PDE7B: variants seen among roughly 807,000 people sequenced by gnomAD.
The protein encoded by PDE7B is phosphodiesterase 7B.
In PDE7B, 29 loss-of-function variants were observed where a neutral mutation model predicts 56.2. That is an observed-to-expected ratio of 0.52 (90% CI 0.38 to 0.70). The LOEUF (loss-of-function observed/expected upper bound fraction) is 0.70. Ranked by LOEUF, PDE7B falls within the 30% of genes least tolerant of loss-of-function variation. PDE7B has a pLI of 0.00. For missense variants in PDE7B, 490 were observed against 565.0 expected (o/e 0.87, Z 1.35); for synonymous variants, 197 against 196.9 (o/e 1.00, Z 0.00).
intron 1 of PDE7B, among the ~76,000 whole-genome samples, chr6:135,942,348 T>C (rs1459497391): frequency 9.1e-6 from 1 of 110,406 alleles, no homozygotes; most frequent in Non-Finnish European, 1.9e-5. Context: ...ATAGGTGCAG[T>C]AATTTTTATT....
intron 1 of PDE7B, among the ~76,000 whole-genome samples, chr6:135,857,813 A>G (rs1775064787): frequency 6.6e-6 from 1 of 152,196 alleles, no homozygotes; most frequent in South Asian, 2.1e-4. Context: ...AATTTTTCAG[A>G]TGTATTAAGT....
intron 6 of PDE7B, among the ~76,000 whole-genome samples, chr6:136,151,786 A>AGGTCAGGAGGTCG (rs1180278161): frequency 2.2e-5 from 1 of 45,366 alleles, no homozygotes; most frequent in Non-Finnish European, 4.1e-5. Context: ...ATACAAAAAA[A>AGGTCAGGAGGTCG]AAATTAGCCA....
At chr6:136,006,366 A>C (rs1226714575) in intron 2 of PDE7B, among the ~76,000 whole-genome samples, 1 of 151,294 alleles carries the variant, frequency 6.6e-6, no homozygotes, top group Non-Finnish European at 1.5e-5. Context: ...AATAAGAATA[A>C]AAGAAAATGG....
At chr6:136,073,202 G>T (rs1777077463) in intron 2 of PDE7B, among the ~76,000 whole-genome samples, 1 of 152,136 alleles carries the variant, frequency 6.6e-6, no homozygotes, top group Admixed American at 6.5e-5. Flanking sequence ...GACATTCAGG[G>T]ACAGTCCATA....
At chr6:135,958,385 G>A (rs1176341376) in intron 2 of PDE7B, among the ~76,000 whole-genome samples, 1 of 152,110 alleles carries the variant, frequency 6.6e-6, no homozygotes, top group Non-Finnish European at 1.5e-5. Flanking sequence ...ATGTTCCAGA[G>A]ACAATGTCAT....
chr6:136,044,911 A>G (rs1479156427), intron 2 of PDE7B: 1 of 149,056 alleles, frequency 6.7e-6, no homozygotes, highest in African/African-American at 2.5e-5. Context: ...CTCTGCAAAC[A>G]GTTTCTTTTT....
rs147308111 is a variant in PDE7B, at chr6:136,080,176, T to G, written c.83-28555T>G. 2.0e-5 allele frequency among the ~76,000 whole-genome samples: 3 copies of G among 152,174 alleles called. No homozygotes were observed. The East Asian group carries it at 5.8e-4, about 29-fold the overall frequency. On this transcript the variant is annotated intron_variant, in intron 2 of 12. Transcript: ENST00000308191. ...TTCCCTGTGTCTCTAGAGAACAGGA[T>G]GCAAAATTAAATTCCAAGCTCGTTC...
At position 136,195,113 on chromosome 6, in the gene PDE7B, G is replaced by A. The variant is rs1779294185; in HGVS notation, c.*3273G>A. On this transcript the variant is annotated 3_prime_UTR_variant, in exon 13 of 13. Transcript: ENST00000308191. The stretch of plus-strand genomic sequence containing the variant: ...TACATATCACTGCCAGGCCTGATAG[G>A]AAAAATCTGCTCTTCCTTTTAATAA... 6.6e-6 allele frequency: 1 copy of A among 152,122 alleles called. No individual in the cohort carries two copies. The highest frequency in any genetic ancestry group is 2.4e-5 in the African/African-American group (1 of 41,428). The allele number at this position is 152,122 out of a possible 1,614,324, so 9.4% of individuals were successfully genotyped here.
intron 2 of PDE7B, among the ~76,000 whole-genome samples, chr6:136,097,338 A>ACAAT (rs1014911244): frequency 1.3e-5 from 2 of 152,122 alleles, no homozygotes; most frequent in East Asian, 3.9e-4. Context: ...TGTGACTAGC[A>ACAAT]CAATCAGTCA....
At chr6:135,957,998 G>A (rs1484959480) in intron 2 of PDE7B, among the ~76,000 whole-genome samples, 1 of 152,080 alleles carries the variant, frequency 6.6e-6, no homozygotes, top group Non-Finnish European at 1.5e-5. Flanking sequence ...TTGGGAGGCC[G>A]AGGTGGGCGG....
intron 1 of PDE7B, among the ~76,000 whole-genome samples, chr6:135,869,392 A>C (rs1775329898): frequency 6.6e-6 from 1 of 152,162 alleles, no homozygotes; most frequent in South Asian, 2.1e-4. Context: ...TAATATATGG[A>C]TAAAATTGTC....
chr6:136,115,599 C>T (rs1330115703), intron 3 of PDE7B, among the ~76,000 whole-genome samples: 2 of 152,184 alleles, frequency 1.3e-5, no homozygotes, highest in Admixed American at 6.5e-5. Context: ...GTGAAAACAG[C>T]CATTGCCTTC....
At chr6:136,107,636 C>T (rs1039710549) in intron 2 of PDE7B, among the ~76,000 whole-genome samples, 1 of 151,554 alleles carries the variant, frequency 6.6e-6, no homozygotes, top group Admixed American at 6.6e-5. Context: ...TGGGTCTTAA[C>T]TTTATTTTAT....
chr6:135,944,578 T>C (rs560122951), intron 1 of PDE7B, among the ~76,000 whole-genome samples: 3 of 152,258 alleles, frequency 2.0e-5, no homozygotes, highest in African/African-American at 7.2e-5. Flanking sequence ...CTCATTGTCA[T>C]TGGAAGGGCC....
intron 2 of PDE7B, among the ~76,000 whole-genome samples, chr6:136,011,412 C>T (rs1049107174): frequency 6.6e-6 from 1 of 152,148 alleles, no homozygotes; most frequent in African/African-American, 2.4e-5. Flanking sequence ...TTATTTGAAA[C>T]ATTATAGAAT....
At chr6:135,960,109 A>T (rs1279894800) in intron 2 of PDE7B, among the ~76,000 whole-genome samples, 1 of 152,126 alleles carries the variant, frequency 6.6e-6, no homozygotes, top group Non-Finnish European at 1.5e-5. Flanking sequence ...TGGGACTTTA[A>T]GGTTGCAGTT....
chr6:135,927,982 G>T (rs190302451), intron 1 of PDE7B, among the ~76,000 whole-genome samples: 46 of 152,152 alleles, frequency 3.0e-4, no homozygotes, highest in Middle Eastern at 3.4e-3. Context: ...TCAGTCATGA[G>T]CAGACACTTC....
chr6:136,009,002 A>G (rs1020793573), intron 2 of PDE7B, among the ~76,000 whole-genome samples: 40 of 151,116 alleles, frequency 2.6e-4, no homozygotes, highest in Non-Finnish European at 4.4e-4. Context: ...ATCTTGAATT[A>G]ATTTTTATAT....
chr6:136,063,199 C>T (rs1309210309), intron 2 of PDE7B, among the ~76,000 whole-genome samples: 1 of 152,138 alleles, frequency 6.6e-6, no homozygotes, highest in African/African-American at 2.4e-5. Context: ...TAAATATTAT[C>T]GCAAGGCTTG....
Sources: allele counts gnomAD v4.1 joint callset (sites outside exome capture counted in the v4.1 genomes callset), GRCh38; gene constraint gnomAD v4.1.1; transcripts MANE v1.5; gene names NCBI Gene and HGNC (gene_info 2026-07-23, HGNC 2026-07-21).